The following TDP1 variants were observed in gnomAD, a reference collection of about 807,000 sequenced individuals.
TDP1 encodes tyr-DNA phosphodiesterase 1.
Under a neutral mutation model 81.5 loss-of-function variants are expected in TDP1, and 64 were observed. That is an observed-to-expected ratio of 0.79 (90% CI 0.64 to 0.97). The LOEUF is 0.97. Ranked by LOEUF, TDP1 falls within the 50% of genes least tolerant of loss-of-function variation. The pLI, the probability that TDP1 is intolerant of heterozygous loss-of-function variation, is 0.00. For synonymous variants in TDP1, 256 were observed against 264.3 expected (o/e 0.97, Z 0.30); for missense variants, 723 against 743.8 (o/e 0.97, Z 0.33).
intron 14 of TDP1, among the ~76,000 whole-genome samples, chr14:90,015,167 G>A (rs1885165653): frequency 6.6e-6 from 1 of 152,136 alleles, no homozygotes; most frequent in Admixed American, 6.5e-5. Context: ...GAGAGGAGTG[G>A]CTTAAGGAGT....
At chr14:90,012,135 G>A (rs1884783445) in intron 14 of TDP1, among the ~76,000 whole-genome samples, 1 of 152,184 alleles carries the variant, frequency 6.6e-6, no homozygotes, top group South Asian at 2.1e-4. Context: ...TTCAGAGGGT[G>A]CAAGCCCCAA....
intron 12 of TDP1, among the ~76,000 whole-genome samples, chr14:89,990,067 C>T (rs368077972): frequency 7.2e-5 from 11 of 152,328 alleles, no homozygotes; most frequent in Admixed American, 3.3e-4. Flanking sequence ...CTCTTCAATG[C>T]GTTTTCAGAG....
intron 16 of TDP1, among the ~76,000 whole-genome samples, chr14:90,034,527 C>CAGGCTG (rs1212560606): frequency 1.3e-5 from 2 of 152,208 alleles, no homozygotes; most frequent in Non-Finnish European, 2.9e-5. Context: ...TGTGTCCCAG[C>CAGGCTG]CTCACAGGCT....
intron 14 of TDP1, among the ~76,000 whole-genome samples, chr14:90,008,113 TC>T (rs1246970536): frequency 2.0e-5 from 3 of 152,218 alleles, no homozygotes; most frequent in African/African-American, 7.2e-5. Flanking sequence ...TTGTTGTATT[TC>T]TTCACTCTAA....
intron 10 of TDP1, 128 bp downstream of exon 10, chr14:89,985,338 T>C (rs1000697184): frequency 3.2e-6 from 2 of 631,704 alleles, no homozygotes; most frequent in African/African-American, 3.7e-5. Context: ...AGATACTTGA[T>C]AAATTGATAA....
chr14:90,008,591 GAATA>G (rs1228117347), intron 14 of TDP1, among the ~76,000 whole-genome samples: 6 of 152,120 alleles, frequency 3.9e-5, no homozygotes, highest in Non-Finnish European at 8.8e-5. Flanking sequence ...AAAATAAATA[GAATA>G]TATAAAGGTA....
At chr14:89,971,125 T>G (rs938507522) in intron 5 of TDP1, 50 bp from the exon 6 acceptor site, 1 of 1,530,456 alleles carries the variant, frequency 6.5e-7, no homozygotes, top group Middle Eastern at 1.7e-4. Context: ...TGTGAGCCAC[T>G]GAGCCTGGCC....
At chr14:90,042,988 A>AT (rs1566937603) in intron 16 of TDP1, 82 bp from the exon 17 acceptor site, 1 of 1,609,306 alleles carries the variant, frequency 6.2e-7, no homozygotes, top group East Asian at 2.2e-5. Context: ...AGTCAAGCAC[A>AT]TAAGTGTTTT....
chr14:90,019,298 G>T lies in TDP1; in HGVS notation c.1542-18G>T. ...ATGCCTCCCTGAGTCAGCCCTATCTGTGTCCTTGTCTCTGCAGCGCAAATC... is the reference window on the plus strand; with the variant it reads ...ATGCCTCCCTGAGTCAGCCCTATCTTTGTCCTTGTCTCTGCAGCGCAAATC... On this transcript the variant is annotated intron_variant, in intron 14 of 16. Coordinates refer to ENST00000335725, the MANE Select transcript of TDP1 (RefSeq NM_018319.4). 1 of 1,549,526 alleles carries T rather than the reference G, an allele frequency of 6.5e-7. No individual in the cohort carries two copies. Among genetic ancestry groups the T allele is most frequent in the Non-Finnish European group, 8.9e-7 (1 of 1,122,028 alleles).
intron 3 of TDP1, 92 bp downstream of exon 3, chr14:89,963,765 A>G: frequency 6.9e-7 from 1 of 1,441,074 alleles, no homozygotes. Context: ...ATAGTTTCTG[A>G]GAACTCTTCT....
In TDP1 at chr14:89,991,675, T is replaced by C. The variant is rs544672074; in HGVS notation, c.1367-242T>C. ...GTATATGATCATCACTTACTTTTGC[T>C]TATAAGTCTGGATGTTTATAAGATT... On this transcript the variant is annotated intron_variant, in intron 12 of 16. Transcript: ENST00000335725. 1.8e-5 allele frequency: 18 copies of C among 983,646 alleles called. No individual in the cohort carries two copies. The South Asian group carries it at 7.5e-4, about 41-fold the overall frequency. 60.9% of individuals were successfully genotyped at this position (983,646 alleles called of 1,614,324 possible). A position where few individuals can be genotyped will look rare whatever the true frequency, so the allele number is the denominator to read the frequency against.
At chr14:90,036,604 C>T (rs1057408438) in intron 16 of TDP1, among the ~76,000 whole-genome samples, 6 of 152,134 alleles carry the variant, frequency 3.9e-5, no homozygotes, top group African/African-American at 1.4e-4. Flanking sequence ...CTGCTTGGTG[C>T]AGTAGTTACT....
chr14:89,958,075 CT>C (rs1891873402), intron 2 of TDP1, among the ~76,000 whole-genome samples: 1 of 152,202 alleles, frequency 6.6e-6, no homozygotes. Flanking sequence ...CCATGTAGGG[CT>C]TGTGGATGGC....
chr14:90,018,990 C>T (rs2140260210), intron 14 of TDP1: 3 of 981,372 alleles, frequency 3.1e-6, no homozygotes, highest in Non-Finnish European at 3.6e-6. Context: ...AACCAGAAAT[C>T]CTGGCTACTC....
intron 12 of TDP1, chr14:89,991,537 C>T (rs1294214314): frequency 2.0e-6 from 2 of 982,444 alleles, no homozygotes; most frequent in Non-Finnish European, 2.4e-6. Context: ...ATAATTCTTG[C>T]TCTGAATGTT....
At chr14:90,007,958 G>A (rs1416113354) in intron 14 of TDP1, among the ~76,000 whole-genome samples, 2 of 152,128 alleles carry the variant, frequency 1.3e-5, no homozygotes, top group East Asian at 1.9e-4. Flanking sequence ...TTGGTATTGA[G>A]AAGTTGCCAT....
chr14:90,039,984 A>G (rs1229783838), intron 16 of TDP1, among the ~76,000 whole-genome samples: 1 of 151,950 alleles, frequency 6.6e-6, no homozygotes, highest in Non-Finnish European at 1.5e-5. Flanking sequence ...ACATGGTACT[A>G]CCTCCCCGTG....
At chr14:90,003,524 G>T (rs1236527119) in intron 14 of TDP1, among the ~76,000 whole-genome samples, 1 of 152,184 alleles carries the variant, frequency 6.6e-6, no homozygotes, top group Non-Finnish European at 1.5e-5. Flanking sequence ...GACAAATGTG[G>T]TATTTAAATT....
At chr14:89,980,481 A>G in intron 7 of TDP1, 59 bp from the exon 8 acceptor site, 1 of 1,519,918 alleles carries the variant, frequency 6.6e-7, no homozygotes, top group Non-Finnish European at 9.1e-7. Context: ...TGCATTGGAA[A>G]GGTATTACAT....
Sources: gnomAD v4.1 joint callset for allele counts (sites outside exome capture counted in the v4.1 genomes callset) on GRCh38, gnomAD v4.1.1 for gene constraint, MANE v1.5 for transcripts, NCBI Gene and HGNC (gene_info 2026-07-23, HGNC 2026-07-21) for gene names.